CDKL5: variants seen among roughly 807,000 people sequenced by gnomAD.
The protein encoded by CDKL5 is cyclin dependent kinase like 5, also known as cyclin-dependent kinase-like 5.
In CDKL5, 8 loss-of-function variants were observed where a neutral mutation model predicts 61.7. The observed-to-expected ratio is 0.13, with a 90% CI of 0.08 to 0.23. CDKL5 has a LOEUF of 0.23. Among genes scored for constraint, CDKL5 ranks in the 10% least tolerant of loss-of-function variants. CDKL5 has a pLI of 1.00. For missense variants in CDKL5, 440 were observed against 734.5 expected (o/e 0.60, Z 4.63); for synonymous variants, 275 against 272.3 (o/e 1.01, Z -0.10).
Position 18,647,259 on chromosome X carries a change from C to T in CDKL5, c.2797+1169C>T, listed in dbSNP as rs147290350. ...AAGAATACCAGCCCACATACTGCTC[C>T]GGGTTAGAGCAGGTGATCTGGTCCG... On this transcript the variant is annotated intron_variant, in intron 20 of 21. Coordinates refer to the CDKL5 transcript ENST00000379989. 9.4e-4 allele frequency: 1,137 copies of T among 1,207,703 alleles called. 7 individuals carry two copies. In the African/African-American group the frequency reaches 0.015, roughly 16 times the overall value.
At chrX:18,564,428 C>A in intron 3 of CDKL5, 49 bp from the exon 4 acceptor site, 1 of 948,267 alleles carries the variant, frequency 1.1e-6, no homozygotes, top group South Asian at 2.0e-5. Flanking sequence ...AATCCCCAGT[C>A]GGAAAAACAC....
In CDKL5 at chrX:18,625,223, G is replaced by A; in HGVS notation, c.2472G>A (p.Glu824=). ...GCAGACCAAAGGAGTGGCGCCCCGA[G>A]AAGATCTCAGATCTGCAGACCCAAG... is the stretch of plus-strand genomic sequence containing the variant. The part of the protein sequence containing the change: ...PSSRPKEWRP[E]KISDLQTQSQ... The change falls in exon 17 of 18, where the codon GAG becomes GAA. Residue 824 remains glutamate (E), a synonymous_variant. Transcript: ENST00000623535. The A allele has an allele frequency of 1.7e-6, 2 of 1,209,220 alleles. No homozygotes were observed. Among genetic ancestry groups the A allele is most frequent in the Non-Finnish European group, 2.2e-6 (2 of 894,703 alleles).
rs1481146239 is a variant in CDKL5 at position 18,633,093 on chromosome X, G to A, written c.*4336G>A. ...CAGCTGGGACTCAGTAAATCTGCAC[G>A]TTCTCTGCTGGTCAGAACATGTTTC... On this transcript the variant is annotated 3_prime_UTR_variant, in exon 18 of 18. Coordinates refer to ENST00000623535, the MANE Select transcript of CDKL5 (RefSeq NM_001323289.2). 3 of 752,305 alleles carry A rather than the reference G, an allele frequency of 4.0e-6. No individual in the cohort carries two copies. Among genetic ancestry groups the A allele is most frequent in the South Asian group, 6.8e-5 (1 of 14,661 alleles). 62.0% of individuals were successfully genotyped at this position (752,305 alleles called of 1,213,427 possible).
At chrX:18,505,374 A>G (rs1922542553) in intron 1 of CDKL5, among the ~76,000 whole-genome samples, 1 of 112,379 alleles carries the variant, frequency 8.9e-6, no homozygotes, top group South Asian at 3.7e-4. Context: ...CAACAGTACT[A>G]TAATCTGTGA....
chrX:18,583,349 G>A (rs562824739), intron 7 of CDKL5, among the ~76,000 whole-genome samples: 4 of 111,052 alleles, frequency 3.6e-5, no homozygotes, highest in East Asian at 5.7e-4. Context: ...CCCAGAGTAC[G>A]CACTCCTTGG....
chrX:18,650,467 G>A lies in CDKL5; in HGVS notation c.2855G>A (p.Arg952Gln). 1.9e-5 allele frequency: 23 copies of A among 1,210,087 alleles called. No individual in the cohort carries two copies. Among genetic ancestry groups the A allele is most frequent in the Non-Finnish European group, 2.5e-5 (22 of 895,172 alleles). ...CCTCACACTCCGTGCGTCCCAAACCGAGCCCTTCATCGTCCAATCTCCAGT... is the reference window on the plus strand; with the variant it reads ...CCTCACACTCCGTGCGTCCCAAACCAAGCCCTTCATCGTCCAATCTCCAGT... Residue 952 changes from arginine to glutamine, a missense_variant, in exon 21 of 22, where the codon CGA (arginine) becomes CAA (glutamine). Physicochemically the swap from Arg to Gln is conservative, Grantham distance 43 (BLOSUM62 1). Transcript: ENST00000379989.
At chrX:18,627,508 T>C (rs1429458845) in intron 17 of CDKL5, 1 of 111,017 alleles carries the variant, frequency 9.0e-6, no homozygotes, top group Non-Finnish European at 1.9e-5. Context: ...GATTGAGCCA[T>C]CTTTCATCGT....
At chrX:18,622,465 A>G (rs1290768227) in intron 16 of CDKL5, among the ~76,000 whole-genome samples, 1 of 112,317 alleles carries the variant, frequency 8.9e-6, no homozygotes, top group Non-Finnish European at 1.9e-5. Context: ...ACATTGGGTT[A>G]ACTCTGCCTA....
intron 20 of CDKL5, chrX:18,649,962 T>C (rs1425518710): frequency 1.1e-5 from 2 of 187,728 alleles, no homozygotes; most frequent in East Asian, 2.7e-4. Context: ...ACCTCCTTTT[T>C]GTTTTCCACC....
intron 1 of CDKL5, among the ~76,000 whole-genome samples, chrX:18,478,166 A>G (rs1251081144): frequency 9.2e-6 from 1 of 109,138 alleles, no homozygotes; most frequent in East Asian, 2.8e-4. Flanking sequence ...CATTTTTGAA[A>G]CATAGTTTTG....
intron 3 of CDKL5, among the ~76,000 whole-genome samples, chrX:18,557,022 G>A (rs1214889525): frequency 2.7e-5 from 3 of 111,128 alleles, no homozygotes; most frequent in Non-Finnish European, 3.8e-5. Context: ...CAAATAAAAC[G>A]TGAACAGAAA....
intron 17 of CDKL5, chrX:18,626,712 CTCTCTCT>C (rs1927062544): frequency 2.0e-5 from 1 of 51,065 alleles, no homozygotes; most frequent in African/African-American, 8.1e-5. Context: ...CTCTCTCTCT[CTCTCTCT>C]CTCTCCCCCC....
intron 10 of CDKL5, among the ~76,000 whole-genome samples, chrX:18,596,310 G>A (rs780225004): frequency 4.5e-5 from 5 of 110,498 alleles, no homozygotes; most frequent in African/African-American, 6.6e-5. Flanking sequence ...AGGGAACATA[G>A]TGTACATAGG....
rs1927303404 is a variant in CDKL5, at chrX:18,633,789, GTTT to G, written c.*5033_*5035del. The stretch of plus-strand genomic sequence containing the variant: ...ACATGAATCTTCATTTCCCACAGTG[GTTT>G]GTTCATTCATCAGCGTTAGGCTTGG... On this transcript the variant is annotated 3_prime_UTR_variant, in exon 18 of 18. Transcript: ENST00000623535. The G allele has an allele frequency of 1.3e-6, 1 of 751,517 alleles. No individual in the cohort carries two copies. Among genetic ancestry groups the G allele is most frequent in the Admixed American group, 8.9e-5 (1 of 11,267 alleles). 61.9% of individuals were successfully genotyped at this position (751,517 alleles called of 1,213,427 possible).
At chrX:18,501,418 C>T (rs1392448910) in intron 1 of CDKL5, among the ~76,000 whole-genome samples, 1 of 111,153 alleles carries the variant, frequency 9.0e-6, no homozygotes, top group Non-Finnish European at 1.9e-5. Flanking sequence ...AGGTTATTCA[C>T]CCTCCTCAGC....
At chrX:18,447,394 T>G (rs1931905927) in intron 1 of CDKL5, among the ~76,000 whole-genome samples, 1 of 111,583 alleles carries the variant, frequency 9.0e-6, no homozygotes, top group Non-Finnish European at 1.9e-5. Context: ...CTTCTCCCCT[T>G]CTCACTGAAA....
At position 18,632,047 on chromosome X, in the gene CDKL5, C is replaced by G; in HGVS notation, c.*3290C>G. On this transcript the variant is annotated 3_prime_UTR_variant, in exon 18 of 18. Coordinates refer to ENST00000623535, the MANE Select transcript of CDKL5 (RefSeq NM_001323289.2). ...ACCCTGCCATGCACAGGACAGCCCCCCAAACAAACAGTGGTCCAGCCCCAA... is the reference window on the plus strand; with the variant it reads ...ACCCTGCCATGCACAGGACAGCCCCGCAAACAAACAGTGGTCCAGCCCCAA... 1 of 671,878 alleles carries G rather than the reference C, an allele frequency of 1.5e-6. No homozygotes were observed. Among genetic ancestry groups the G allele is most frequent in the South Asian group, 7.7e-5 (1 of 13,032 alleles). 55.4% of individuals were successfully genotyped at this position (671,878 alleles called of 1,213,427 possible). A position where few individuals can be genotyped will look rare whatever the true frequency, so the allele number is the denominator to read the frequency against.
chrX:18,606,463 G>A (rs1398620841), intron 12 of CDKL5, among the ~76,000 whole-genome samples: 5 of 112,224 alleles, frequency 4.5e-5, no homozygotes, highest in Non-Finnish European at 7.5e-5. Context: ...GTTCCCTGTC[G>A]TCTTAAGTGT....
intron 3 of CDKL5, among the ~76,000 whole-genome samples, chrX:18,552,374 A>C (rs1276950252): frequency 8.9e-6 from 1 of 112,055 alleles, no homozygotes; most frequent in Non-Finnish European, 1.9e-5. Context: ...GGGAGGAAAA[A>C]GTGTTAGGCT....
Sources: gnomAD v4.1 joint callset for allele counts (sites outside exome capture counted in the v4.1 genomes callset) on GRCh38, gnomAD v4.1.1 for gene constraint, MANE v1.5 for transcripts, NCBI Gene and HGNC (gene_info 2026-07-23, HGNC 2026-07-21) for gene names.